CARMIL1: variants seen among roughly 807,000 people sequenced by gnomAD.
CARMIL1 encodes capping protein regulator and myosin 1 linker 1, also known as F-actin-uncapping protein LRRC16A.
CARMIL1 carries 90 observed loss-of-function variants against 177.1 expected under a neutral mutation model. The ratio of observed to expected loss-of-function variants is 0.51; its 90% confidence interval spans 0.43 to 0.61. The LOEUF (loss-of-function observed/expected upper bound fraction) is 0.61. CARMIL1 is among the 20% of genes least tolerant of loss of function. The pLI, the probability that CARMIL1 is intolerant of heterozygous loss-of-function variation, is 0.00. For synonymous variants in CARMIL1, 577 were observed against 606.2 expected (o/e 0.95, Z 0.71); for missense variants, 1,380 against 1,667.0 (o/e 0.83, Z 3.00).
In CARMIL1 at chr6:25,619,716, C is replaced by T. The variant is rs552554974; in HGVS notation, c.*133C>T. On this transcript the variant is annotated 3_prime_UTR_variant, in exon 37 of 37. Coordinates refer to ENST00000329474, the MANE Select transcript of CARMIL1 (RefSeq NM_017640.6). ...TCTCTTCTTTTTCTTTATTTCGCCCCCACCCCCATCCCCTGCCTTTTTTTT... is the reference window on the plus strand; with the variant it reads ...TCTCTTCTTTTTCTTTATTTCGCCCTCACCCCCATCCCCTGCCTTTTTTTT... 6 of 737,724 alleles carry T rather than the reference C, an allele frequency of 8.1e-6. No homozygotes were observed. The South Asian group carries it at 1.4e-4, about 17-fold the overall frequency. The allele number at this position is 737,724 out of a possible 1,614,324, so 45.7% of individuals were successfully genotyped here.
At chr6:25,616,747 G>C (rs1011681414) in intron 36 of CARMIL1, among the ~76,000 whole-genome samples, 3 of 152,176 alleles carry the variant, frequency 2.0e-5, no homozygotes, top group African/African-American at 7.2e-5. Context: ...CAGTCAAATA[G>C]ATGTTCCCTT....
chr6:25,412,067 A>G (rs1794950737), intron 2 of CARMIL1, among the ~76,000 whole-genome samples: 2 of 152,308 alleles, frequency 1.3e-5, no homozygotes, highest in African/African-American at 4.8e-5. Flanking sequence ...CCACTTGGCT[A>G]ACTTGAGGCC....
At chr6:25,590,404 C>T (rs996757936) in intron 31 of CARMIL1, among the ~76,000 whole-genome samples, 1 of 152,106 alleles carries the variant, frequency 6.6e-6, no homozygotes, top group Non-Finnish European at 1.5e-5. Context: ...ACTTTTGCAT[C>T]TATATGCATA....
intron 2 of CARMIL1, among the ~76,000 whole-genome samples, chr6:25,395,195 C>T (rs1380845850): frequency 1.3e-5 from 2 of 152,150 alleles, no homozygotes; most frequent in Non-Finnish European, 2.9e-5. Flanking sequence ...GTCCCCAAGC[C>T]CATGCGCTGT....
intron 24 of CARMIL1, among the ~76,000 whole-genome samples, chr6:25,531,742 A>G (rs1038484222): frequency 6.6e-6 from 1 of 152,242 alleles, no homozygotes; most frequent in African/African-American, 2.4e-5. Context: ...AAATGCAATG[A>G]AAGTTACACT....
chr6:25,498,773 T>C (rs962819224), intron 16 of CARMIL1, among the ~76,000 whole-genome samples: 1 of 152,140 alleles, frequency 6.6e-6, no homozygotes, highest in African/African-American at 2.4e-5. Flanking sequence ...GAACTGGCCT[T>C]TTGGTTTTCA....
intron 17 of CARMIL1, among the ~76,000 whole-genome samples, chr6:25,505,645 GT>G (rs1366463881): frequency 3.3e-5 from 5 of 152,072 alleles, no homozygotes; most frequent in Non-Finnish European, 7.4e-5. Context: ...TAGAGATGGG[GT>G]TTTACCATGT....
chr6:25,451,986 G>GGGGGGGGGGGGGGGC, intron 8 of CARMIL1: 1 of 112,668 alleles, frequency 8.9e-6, no homozygotes, highest in Non-Finnish European at 1.7e-5. Context: ...CTAGCATCTT[G>GGGGGGGGGGGGGGGC]CCCCCCCCTC....
chr6:25,329,984 T>C (rs1785464822), intron 2 of CARMIL1, among the ~76,000 whole-genome samples: 1 of 152,234 alleles, frequency 6.6e-6, no homozygotes, highest in Admixed American at 6.5e-5. Context: ...CGTCAGACAT[T>C]CATTGTTAAA....
chr6:25,392,730 T>C (rs1274443984), intron 2 of CARMIL1, among the ~76,000 whole-genome samples: 3 of 152,214 alleles, frequency 2.0e-5, no homozygotes, highest in Non-Finnish European at 2.9e-5. Flanking sequence ...GTAGGAAATA[T>C]ATTGATTTAG....
chr6:25,582,147 T>C (rs1189030239), intron 31 of CARMIL1, among the ~76,000 whole-genome samples: 2 of 152,212 alleles, frequency 1.3e-5, no homozygotes, highest in Non-Finnish European at 2.9e-5. Context: ...TCCTTCTATA[T>C]CTACCTACCC....
intron 26 of CARMIL1, among the ~76,000 whole-genome samples, chr6:25,545,918 A>G (rs978910604): frequency 5.9e-5 from 9 of 152,212 alleles, no homozygotes; most frequent in Non-Finnish European, 8.8e-5. Context: ...GGTGAAATAC[A>G]TGATTTTAAA....
At chr6:25,527,514 G>A in intron 23 of CARMIL1, 1 of 305,814 alleles carries the variant, frequency 3.3e-6, no homozygotes, top group Non-Finnish European at 6.4e-6. Context: ...GAAGCTGGGT[G>A]GTGGTGTGTG....
intron 2 of CARMIL1, among the ~76,000 whole-genome samples, chr6:25,343,310 T>A (rs1473321896): frequency 8.0e-6 from 1 of 124,856 alleles, no homozygotes; most frequent in Non-Finnish European, 1.7e-5. Context: ...AAAATCAGTA[T>A]TTTTGCTTTT....
chr6:25,564,670 G>A (rs1811402835), intron 29 of CARMIL1, among the ~76,000 whole-genome samples: 1 of 152,122 alleles, frequency 6.6e-6, no homozygotes. Context: ...GCTCAGAACT[G>A]AATGTGCATT....
intron 5 of CARMIL1, among the ~76,000 whole-genome samples, chr6:25,443,171 TA>T (rs1475937611): frequency 2.6e-5 from 4 of 152,228 alleles, no homozygotes; most frequent in African/African-American, 9.6e-5. Flanking sequence ...AAGGTTTACC[TA>T]ATTGAGTTGA....
At chr6:25,519,316 G>A (rs1417689444) in intron 22 of CARMIL1, among the ~76,000 whole-genome samples, 2 of 152,324 alleles carry the variant, frequency 1.3e-5, no homozygotes, top group South Asian at 2.1e-4. Context: ...CCTGAGCACC[G>A]TGTTGTAGAA....
chr6:25,286,405 C>CT (rs952768125), intron 2 of CARMIL1, among the ~76,000 whole-genome samples: 3 of 152,284 alleles, frequency 2.0e-5, no homozygotes, highest in Admixed American at 6.5e-5. Context: ...ACTTGAATGG[C>CT]TTTTGCCCAG....
In CARMIL1 at chr6:25,435,797, T is replaced by G. The variant is rs79423283; in HGVS notation, c.371+193T>G. Among the ~76,000 whole-genome samples the G allele has an allele frequency of 5.8e-3, 883 of 152,356 alleles. 1 individual carries two copies. The highest frequency in any genetic ancestry group is 9.5e-3 in the Non-Finnish European group (648 of 68,026). ...CTGAGGATTTCTACAGGGCTGTGTC[T>G]TATTCTTTAAAGAGCTTGAGTGATG... On this transcript the variant is annotated intron_variant, in intron 5 of 36. Coordinates refer to ENST00000329474, the MANE Select transcript of CARMIL1 (RefSeq NM_017640.6).
Sources: gnomAD v4.1 joint callset for allele counts (sites outside exome capture counted in the v4.1 genomes callset) on GRCh38, gnomAD v4.1.1 for gene constraint, MANE v1.5 for transcripts, NCBI Gene and HGNC (gene_info 2026-07-23, HGNC 2026-07-21) for gene names.